MYRIP: variants seen among roughly 807,000 people sequenced by gnomAD.
MYRIP encodes the protein rab effector MyRIP.
Under a neutral mutation model 98.0 loss-of-function variants are expected in MYRIP, and 49 were observed. That is an observed-to-expected ratio of 0.50 (90% CI 0.40 to 0.63). MYRIP has a LOEUF of 0.63. MYRIP is among the 30% of genes least tolerant of loss of function. MYRIP has a pLI of 0.00. For missense variants in MYRIP, 1,004 were observed against 1,058.2 expected (o/e 0.95, Z 0.71); for synonymous variants, 404 against 409.5 (o/e 0.99, Z 0.16).
intron 2 of MYRIP, among the ~76,000 whole-genome samples, chr3:39,917,821 T>A (rs2125687287): frequency 6.6e-6 from 1 of 152,348 alleles, no homozygotes; most frequent in East Asian, 1.9e-4. Flanking sequence ...TATAACTTAA[T>A]GTTAAGCCTT....
intron 1 of MYRIP, among the ~76,000 whole-genome samples, chr3:39,826,507 G>T (rs1559487493): frequency 6.6e-6 from 1 of 151,936 alleles, no homozygotes; most frequent in Non-Finnish European, 1.5e-5. Flanking sequence ...ATTCCATTGT[G>T]GTCAGATAAT....
chr3:40,225,976 C>A (rs1206118655), intron 11 of MYRIP, among the ~76,000 whole-genome samples: 2 of 152,110 alleles, frequency 1.3e-5, no homozygotes, highest in Admixed American at 1.3e-4. Context: ...CTAATAGTTC[C>A]CCCTAAGGAA....
At chr3:39,928,100 T>A (rs9861694) in intron 2 of MYRIP, among the ~76,000 whole-genome samples, 5 of 151,690 alleles carry the variant, frequency 3.3e-5, no homozygotes, top group African/African-American at 1.2e-4. Context: ...ATTTCAGTTT[T>A]TTGAAAGTAT....
intron 10 of MYRIP, among the ~76,000 whole-genome samples, chr3:40,204,158 A>T (rs1355989640): frequency 1.3e-4 from 1 of 7,862 alleles, no homozygotes; most frequent in African/African-American, 2.7e-4. Flanking sequence ...ATATAAATAT[A>T]TAATATAATA....
At chr3:40,002,876 A>AT (rs1348518583) in intron 2 of MYRIP, among the ~76,000 whole-genome samples, 2 of 152,126 alleles carry the variant, frequency 1.3e-5, no homozygotes, top group Non-Finnish European at 2.9e-5. Flanking sequence ...AAGTGTCTAT[A>AT]TATCTCTCTA....
At chr3:40,189,394 G>A (rs1951134549) in intron 9 of MYRIP, among the ~76,000 whole-genome samples, 1 of 152,188 alleles carries the variant, frequency 6.6e-6, no homozygotes, top group Non-Finnish European at 1.5e-5. Flanking sequence ...CAGGGCAGGT[G>A]GTGGAATTGT....
At chr3:40,087,611 G>A (rs1175863832) in intron 3 of MYRIP, among the ~76,000 whole-genome samples, 2 of 152,198 alleles carry the variant, frequency 1.3e-5, no homozygotes, top group African/African-American at 4.8e-5. Context: ...AGTTCTCCAG[G>A]GGAAAAGAAA....
At chr3:39,877,847 G>C (rs542451266) in intron 1 of MYRIP, among the ~76,000 whole-genome samples, 1 of 128,222 alleles carries the variant, frequency 7.8e-6, no homozygotes, top group African/African-American at 2.9e-5. Flanking sequence ...CCAGCTGCGT[G>C]CTGGGAGAAC....
intron 10 of MYRIP, among the ~76,000 whole-genome samples, chr3:40,208,757 C>T (rs1246556103): frequency 6.6e-6 from 1 of 152,168 alleles, no homozygotes; most frequent in African/African-American, 2.4e-5. Flanking sequence ...ATCCTCAACC[C>T]CTCCCATCAA....
At chr3:40,063,643 T>C (rs1387562871) in intron 3 of MYRIP, among the ~76,000 whole-genome samples, 1 of 152,228 alleles carries the variant, frequency 6.6e-6, no homozygotes, top group Non-Finnish European at 1.5e-5. Context: ...TCTTGAAGCA[T>C]ATTTGCATAG....
chr3:39,878,988 C>T (rs1019175050), intron 1 of MYRIP, among the ~76,000 whole-genome samples: 2 of 151,808 alleles, frequency 1.3e-5, no homozygotes, highest in Non-Finnish European at 2.9e-5. Flanking sequence ...ATCACTTGAA[C>T]CTGGGAGGCG....
At chr3:39,901,113 C>T (rs749589382) in intron 2 of MYRIP, among the ~76,000 whole-genome samples, 187 bp downstream of exon 2, 1 of 152,188 alleles carries the variant, frequency 6.6e-6, no homozygotes, top group East Asian at 1.9e-4. Flanking sequence ...GTGTTGCTCA[C>T]GGTCCCAATC....
intron 11 of MYRIP, 62 bp from the exon 12 acceptor site, chr3:40,233,797 T>C: frequency 6.8e-7 from 1 of 1,463,676 alleles, no homozygotes; most frequent in African/African-American, 1.4e-5. Flanking sequence ...ACATAGAATT[T>C]CTGTGTCATT....
At chr3:40,191,697 G>A (rs1300322491) in intron 10 of MYRIP, among the ~76,000 whole-genome samples, 2 of 152,102 alleles carry the variant, frequency 1.3e-5, no homozygotes, top group African/African-American at 2.4e-5. Context: ...TCCAAGCTTC[G>A]TTTTCTCCTC....
At chr3:39,925,055 A>ACT (rs1484932143) in intron 2 of MYRIP, among the ~76,000 whole-genome samples, 3 of 151,706 alleles carry the variant, frequency 2.0e-5, no homozygotes, top group African/African-American at 4.8e-5. Context: ...GAACTCAGAA[A>ACT]AAGAGCAAAA....
chr3:39,969,533 G>C lies in MYRIP; in HGVS notation c.110+68607G>C, dbSNP rs1339479046. 2.6e-5 allele frequency among the ~76,000 whole-genome samples: 4 copies of C among 152,140 alleles called. No individual in the cohort carries two copies. The South Asian group carries it at 6.2e-4, about 24-fold the overall frequency. Reference sequence around the variant, plus strand: ...TTTATTGAGAGTTTTTAATATGAAGGGGTATTGAATTTTATTGAAAGCTTT... The same window carrying C: ...TTTATTGAGAGTTTTTAATATGAAGCGGTATTGAATTTTATTGAAAGCTTT... On this transcript the variant is annotated intron_variant, in intron 2 of 16. Transcript: ENST00000302541.
rs114358208 is a variant in MYRIP at position 40,251,409 on chromosome 3, C to A, written c.2429-472C>A. ...AATATAGTACACGTGCTGTATATTT[C>A]TTTACACCCCCCATGGCATCTAGGC... On this transcript the variant is annotated intron_variant, in intron 15 of 16. Coordinates refer to ENST00000302541, the MANE Select transcript of MYRIP (RefSeq NM_015460.4). 7.5e-3 allele frequency among the ~76,000 whole-genome samples: 1,137 copies of A among 152,272 alleles called. 4 individuals carry two copies. The highest frequency in any genetic ancestry group is 0.012 in the Non-Finnish European group (803 of 68,026).
intron 12 of MYRIP, among the ~76,000 whole-genome samples, chr3:40,241,899 T>A (rs915367031): frequency 6.6e-6 from 1 of 152,208 alleles, no homozygotes; most frequent in Non-Finnish European, 1.5e-5. Flanking sequence ...CATGTTACCT[T>A]TTGTTATTTC....
intron 2 of MYRIP, among the ~76,000 whole-genome samples, chr3:39,991,994 A>T (rs1016652525): frequency 2.6e-5 from 4 of 152,160 alleles, no homozygotes; most frequent in African/African-American, 9.7e-5. Flanking sequence ...CACTCAGTGG[A>T]AAAACCACTT....
Sources: gnomAD v4.1 joint callset for allele counts (sites outside exome capture counted in the v4.1 genomes callset) on GRCh38, gnomAD v4.1.1 for gene constraint, MANE v1.5 for transcripts, NCBI Gene and HGNC (gene_info 2026-07-23, HGNC 2026-07-21) for gene names.